ADCY2: variants seen among roughly 807,000 people sequenced by gnomAD.
The protein encoded by ADCY2 is adenylate cyclase 2.
A neutral mutation model predicts 125.2 loss-of-function variants in ADCY2; 31 were observed. The observed-to-expected ratio is 0.25, with a 90% CI of 0.19 to 0.33. The LOEUF is 0.33. Among genes scored for constraint, ADCY2 ranks in the 10% least tolerant of loss-of-function variants. The pLI is 1.00. For missense variants in ADCY2, 904 were observed against 1,418.2 expected, an observed-to-expected ratio of 0.64 and a Z score of 5.82; for synonymous variants, 512 against 548.4, an observed-to-expected ratio of 0.93 and a Z score of 0.93.
At chr5:7,555,366 A>C (rs1034213869) in intron 3 of ADCY2, among the ~76,000 whole-genome samples, 1 of 152,186 alleles carries the variant, frequency 6.6e-6, no homozygotes, top group Admixed American at 6.5e-5. Context: ...CTTGATATTT[A>C]TGTTTTGCAA....
chr5:7,763,925 T>C (rs935073637), intron 16 of ADCY2, among the ~76,000 whole-genome samples: 7 of 152,186 alleles, frequency 4.6e-5, no homozygotes, highest in African/African-American at 1.7e-4. Context: ...TGCTGTTGAC[T>C]GGGTGGATGG....
At position 7,826,802 on chromosome 5, in the gene ADCY2, G is replaced by T. The variant is rs746918915; in HGVS notation, c.3207G>T (p.Gly1069=). 4.3e-6 allele frequency: 7 copies of T among 1,613,960 alleles called. No individual in the cohort carries two copies. Among genetic ancestry groups the T allele is most frequent in the Non-Finnish European group, 1.7e-6 (2 of 1,180,036 alleles). ...CRGIINVKGK[G]DLKTYFVNTE... ...GAATAATCAACGTGAAAGGAAAGGG[G>T]GACCTGAAGACGTACTTTGTAAACA... is the stretch of plus-strand genomic sequence containing the variant. Residue 1069 remains glycine, a synonymous_variant, in exon 25 of 25, where the codon GGG becomes GGT. Transcript: ENST00000338316.
intron 2 of ADCY2, among the ~76,000 whole-genome samples, chr5:7,508,360 C>T (rs1480823756): frequency 1.3e-5 from 2 of 152,156 alleles, no homozygotes; most frequent in African/African-American, 2.4e-5. Context: ...ATATTTCACA[C>T]CCCCTCGTCT....
chr5:7,510,818 C>T (rs192805542), intron 2 of ADCY2, among the ~76,000 whole-genome samples: 1 of 152,318 alleles, frequency 6.6e-6, no homozygotes, highest in Non-Finnish European at 1.5e-5. Context: ...GTTTTACTTA[C>T]TTACAGTGTG....
chr5:7,699,328 A>T (rs1474384142), intron 7 of ADCY2, among the ~76,000 whole-genome samples: 2 of 149,800 alleles, frequency 1.3e-5, no homozygotes, highest in Non-Finnish European at 3.0e-5. Context: ...CGATCTCCTG[A>T]TCTCGTGATC....
Position 7,396,495 on chromosome 5 carries a change from G to T in ADCY2, c.199G>T (p.Ala67Ser). ...CCTCGCCCTGCTCGCCGTCTTCTTC[G>T]CGCTCGGGCTGGTGAGTGGCCTCCC... ...SCLALLAVFF[A>S]LGLEVEDHVA... is the part of the protein sequence containing the mutation. Residue 67 changes from alanine to serine, a missense_variant, in exon 1 of 25, where the codon GCG (alanine) becomes TCG (serine). Transcript: ENST00000338316. The surrounding 1 kb of genome is among the most constrained non-coding windows in gnomAD (Gnocchi z 5.7). 6.4e-7 allele frequency: 1 copy of T among 1,564,294 alleles called. No individual in the cohort carries two copies.
intron 2 of ADCY2, among the ~76,000 whole-genome samples, chr5:7,514,085 A>G (rs554171737): frequency 8.5e-5 from 13 of 152,130 alleles, no homozygotes; most frequent in Non-Finnish European, 1.5e-4. Context: ...CATACATTAG[A>G]GTTGAGTGTC....
intron 3 of ADCY2, among the ~76,000 whole-genome samples, chr5:7,609,402 C>G (rs1737495022): frequency 6.6e-6 from 1 of 152,210 alleles, no homozygotes; most frequent in South Asian, 2.1e-4. Flanking sequence ...ACACTTTGAG[C>G]AGTTTGGGGC....
chr5:7,520,139 C>T (rs1416862294), intron 2 of ADCY2, among the ~76,000 whole-genome samples: 3 of 152,128 alleles, frequency 2.0e-5, no homozygotes, highest in African/African-American at 4.8e-5. Context: ...TGTTTCAGTA[C>T]GTGTTTTCAA....
At chr5:7,820,461 T>G (rs969971375) in intron 23 of ADCY2, 104 bp from the exon 24 acceptor site, 2 of 1,440,858 alleles carry the variant, frequency 1.4e-6, no homozygotes, top group African/African-American at 1.4e-5. Context: ...GCCACTGCAC[T>G]CCAGCCTGGG....
chr5:7,496,966 A>G (rs968762438), intron 2 of ADCY2, among the ~76,000 whole-genome samples: 1 of 152,158 alleles, frequency 6.6e-6, no homozygotes, highest in Non-Finnish European at 1.5e-5. Context: ...ATTGACCCTT[A>G]AATATATAGA....
intron 20 of ADCY2, chr5:7,796,164 G>A (rs7728423): frequency 0.67 from 101,554 of 152,066 alleles, 35,174 homozygotes; most frequent in Non-Finnish European, 0.77. Context: ...AATACTTCAT[G>A]CATAAACAGG....
intron 9 of ADCY2, chr5:7,708,066 G>T (rs774733591): frequency 4.5e-5 from 21 of 465,136 alleles, no homozygotes; most frequent in African/African-American, 4.0e-4. Context: ...GGGTGTTGAT[G>T]CAGGTTGCTA....
At position 7,645,118 on chromosome 5, in the gene ADCY2, A is replaced by T. The variant is rs932979119; in HGVS notation, c.720+18802A>T. 2.9e-4 allele frequency among the ~76,000 whole-genome samples: 44 copies of T among 152,208 alleles called. 2 individuals carry two copies. The highest frequency in any genetic ancestry group is 4.4e-5 in the Non-Finnish European group (3 of 68,028). On this transcript the variant is annotated intron_variant, in intron 4 of 24. Coordinates refer to ENST00000338316, the MANE Select transcript of ADCY2 (RefSeq NM_020546.3). ...CATCATTCAAGTCCTTGGTTTCCTT[A>T]TCTGTAGAGCAGAGATAATAACATT... is the stretch of plus-strand genomic sequence containing the variant.
chr5:7,626,087 T>G, intron 3 of ADCY2, 80 bp from the exon 4 acceptor site: 1 of 1,463,618 alleles, frequency 6.8e-7, no homozygotes, highest in Non-Finnish European at 9.3e-7. Context: ...TGAAGACTGT[T>G]GCTAATGTGC....
chr5:7,632,172 C>T (rs867897214), intron 4 of ADCY2, among the ~76,000 whole-genome samples: 1 of 152,108 alleles, frequency 6.6e-6, no homozygotes, highest in Non-Finnish European at 1.5e-5. Flanking sequence ...CTGGGGGATG[C>T]GCCCAACAGA....
At chr5:7,729,208 A>T (rs1742021259) in intron 14 of ADCY2, among the ~76,000 whole-genome samples, 1 of 151,796 alleles carries the variant, frequency 6.6e-6, no homozygotes. Flanking sequence ...CTTTTTCTTT[A>T]AAAAAAATCT....
chr5:7,519,347 T>C (rs1744362088), intron 2 of ADCY2, among the ~76,000 whole-genome samples: 1 of 152,186 alleles, frequency 6.6e-6, no homozygotes, highest in Non-Finnish European at 1.5e-5. Context: ...GCTGGCGTGA[T>C]TGCACCACGT....
chr5:7,488,857 C>A (rs1350322706), intron 2 of ADCY2, among the ~76,000 whole-genome samples: 2 of 151,720 alleles, frequency 1.3e-5, no homozygotes, highest in Non-Finnish European at 1.5e-5. Context: ...AGAGGTTAAG[C>A]TGCAGATCTC....
Sources: gnomAD v4.1 joint callset for allele counts (sites outside exome capture counted in the v4.1 genomes callset) on GRCh38, gnomAD v4.1.1 for gene constraint, Gnocchi (gnomAD v3.1) non-coding constraint, MANE v1.5 for transcripts, NCBI Gene and HGNC (gene_info 2026-07-23, HGNC 2026-07-21) for gene names.